Variants in MSI2 observed in about 807,000 individuals in gnomAD.
MSI2 encodes RNA-binding protein Musashi homolog 2.
A neutral mutation model predicts 45.6 loss-of-function variants in MSI2; 17 were observed. The ratio of observed to expected loss-of-function variants is 0.37; its 90% CI spans 0.26 to 0.56. The LOEUF (loss-of-function observed/expected upper bound fraction) is 0.56, where lower values mean the gene tolerates loss of function less well. Ranked by LOEUF, MSI2 falls within the 20% of genes least tolerant of loss-of-function variation. The probability of loss-of-function intolerance (pLI) is 0.77; values close to 1 mark genes in which losing one functional copy is unlikely to be tolerated. For synonymous variants in MSI2, 156 were observed against 158.2 expected, an observed-to-expected ratio of 0.99 and a Z score of 0.11; for missense variants, 293 against 444.2, an observed-to-expected ratio of 0.66 and a Z score of 3.06.
At chr17:57,400,052 T>G (rs2083961442) in intron 5 of MSI2, among the ~76,000 whole-genome samples, 1 of 152,250 alleles carries the variant, frequency 6.6e-6, no homozygotes, top group Non-Finnish European at 1.5e-5. Flanking sequence ...TAGAAACAGA[T>G]GACATTGTGT....
chr17:57,279,057 G>A (rs1262432461), intron 5 of MSI2: 2 of 152,172 alleles, frequency 1.3e-5, no homozygotes, highest in Non-Finnish European at 2.9e-5. Context: ...AAAAGCCTTA[G>A]CACTTGTTGT....
intron 6 of MSI2, among the ~76,000 whole-genome samples, chr17:57,514,980 C>T (rs897387081): frequency 1.3e-5 from 2 of 152,206 alleles, no homozygotes; most frequent in African/African-American, 4.8e-5. Context: ...CACCCCGACA[C>T]ACCCCATCCC....
In MSI2 at chr17:57,596,817, C is replaced by A. The variant is rs1349082427; in HGVS notation, c.455-51C>A. 2 of 1,380,552 alleles carry A rather than the reference C, an allele frequency of 1.4e-6. No homozygotes were observed. The highest frequency in any genetic ancestry group is 1.4e-5 in the African/African-American group (1 of 70,278). The allele number at this position is 1,380,552 out of a possible 1,614,324, so 85.5% of individuals were successfully genotyped here. On this transcript the variant is annotated intron_variant, in intron 7 of 13. Coordinates refer to ENST00000284073, the MANE Select transcript of MSI2 (RefSeq NM_138962.4). This position sits in a 1 kb window ranked among gnomAD's most constrained non-coding sequence, Gnocchi z 4.6. ...AGAGAAAAACCTGGGCCTGCCAGAA[C>A]TGAACTCACCCCGCCTCTCTTTGTT...
chr17:57,381,318 G>A lies in MSI2; in HGVS notation c.313-20061G>A, dbSNP rs374800902. Among the ~76,000 whole-genome samples, 9 of 152,142 alleles carry A rather than the reference G, an allele frequency of 5.9e-5. No individual in the cohort carries two copies. In the East Asian group the frequency reaches 9.7e-4, roughly 16 times the overall value. The stretch of plus-strand genomic sequence containing the variant: ...TGGATTCAAGCGATCTGCCTGTCTC[G>A]GCCTCCCAGAGTGCGGGGATTATAG... On this transcript the variant is annotated intron_variant, in intron 5 of 13. Transcript: ENST00000284073.
chr17:57,561,624 G>A (rs1264866960), intron 7 of MSI2, among the ~76,000 whole-genome samples: 1 of 152,174 alleles, frequency 6.6e-6, no homozygotes, highest in Non-Finnish European at 1.5e-5. Context: ...GTGCTAATGA[G>A]GAAACATGGG....
intron 5 of MSI2, among the ~76,000 whole-genome samples, chr17:57,386,071 A>G (rs1362515447): frequency 5.9e-5 from 9 of 152,096 alleles, no homozygotes; most frequent in Admixed American, 5.9e-4. Flanking sequence ...TCCCTATTTT[A>G]CTTGACCTTT....
intron 6 of MSI2, among the ~76,000 whole-genome samples, chr17:57,505,932 C>G (rs950835257): frequency 6.6e-6 from 1 of 152,208 alleles, no homozygotes; most frequent in African/African-American, 2.4e-5. Context: ...TGAGACTTCT[C>G]TAAATAAAGC....
chr17:57,269,083 T>G (rs1436982023), intron 5 of MSI2, among the ~76,000 whole-genome samples: 2 of 152,090 alleles, frequency 1.3e-5, no homozygotes. Context: ...TCTAAGCTTC[T>G]AGGAAGAGGT....
At chr17:57,613,923 T>C (rs1006342941) in intron 8 of MSI2, among the ~76,000 whole-genome samples, 3 of 152,246 alleles carry the variant, frequency 2.0e-5, no homozygotes, top group African/African-American at 7.2e-5. Flanking sequence ...AAAGGTGACT[T>C]ATATCTTAGG....
chr17:57,366,312 T>C (rs1156537190), intron 5 of MSI2, among the ~76,000 whole-genome samples: 1 of 152,196 alleles, frequency 6.6e-6, no homozygotes, highest in African/African-American at 2.4e-5. Flanking sequence ...GGTGGGTTTC[T>C]GTGCTGGACA....
Position 57,450,266 on chromosome 17 carries a change from A to AGAAAGAAAGAAAGAAG in MSI2, c.405+48810_405+48811insGGAAAGAAAGAAAGAA, listed in dbSNP as rs1555607221. Reference sequence around the variant, plus strand: ...GGTATTCCCCAGCTTAAAGAAAGAAAGAAAGAAAGAAAGAAAGAAAGAAAG... The same window carrying AGAAAGAAAGAAAGAAG: ...GGTATTCCCCAGCTTAAAGAAAGAAAGAAAGAAAGAAAGAAGGAAAGAAAGAAAGAAAGAAAGAAAG... On this transcript the variant is annotated intron_variant, in intron 6 of 13. Coordinates refer to ENST00000284073, the MANE Select transcript of MSI2 (RefSeq NM_138962.4). 377 of 91,590 alleles carry AGAAAGAAAGAAAGAAG rather than the reference A, an allele frequency of 4.1e-3. 3 individuals carry two copies. Among genetic ancestry groups the AGAAAGAAAGAAAGAAG allele is most frequent in the Middle Eastern group, 0.034 (6 of 176 alleles). The allele number at this position is 91,590 out of a possible 1,614,324, so 5.7% of individuals were successfully genotyped here.
intron 7 of MSI2, among the ~76,000 whole-genome samples, chr17:57,541,947 T>C (rs1044358608): frequency 6.6e-6 from 1 of 152,124 alleles, no homozygotes; most frequent in African/African-American, 2.4e-5. Context: ...AGCTGGCGCC[T>C]CTGCACCAGA....
chr17:57,698,159 C>G, the MSI2 span, among the ~76,000 whole-genome samples: 1 of 152,214 alleles, frequency 6.6e-6, no homozygotes, highest in Admixed American at 6.5e-5. Context: ...AATCGACAGG[C>G]ACTGGACCAG....
At chr17:57,327,267 C>T (rs1295920968) in intron 5 of MSI2, among the ~76,000 whole-genome samples, 1 of 152,122 alleles carries the variant, frequency 6.6e-6, no homozygotes, top group Non-Finnish European at 1.5e-5. Context: ...GAGGGACACC[C>T]CATCTCTAAA....
chr17:57,345,319 G>T (rs1598150284), intron 5 of MSI2, among the ~76,000 whole-genome samples: 1 of 151,980 alleles, frequency 6.6e-6, no homozygotes, highest in Non-Finnish European at 1.5e-5. Flanking sequence ...ATTCATGTGT[G>T]TTTAAAAGTT....
At chr17:57,606,925 A>G (rs1906660794) in intron 8 of MSI2, among the ~76,000 whole-genome samples, 2 of 152,068 alleles carry the variant, frequency 1.3e-5, no homozygotes, top group African/African-American at 2.4e-5. Context: ...CCAGAGACCC[A>G]GAGGAGGGAG....
At chr17:57,669,692 GCTATGA>G (rs1339517227) in intron 11 of MSI2, among the ~76,000 whole-genome samples, 1 of 152,158 alleles carries the variant, frequency 6.6e-6, no homozygotes, top group Non-Finnish European at 1.5e-5. Context: ...TATCACACAG[GCTATGA>G]CCTCTCCTGC....
chr17:57,257,969 G>A (rs1357199759), intron 3 of MSI2, among the ~76,000 whole-genome samples: 1 of 152,090 alleles, frequency 6.6e-6, no homozygotes, highest in South Asian at 2.1e-4. Context: ...ATAAAACAAA[G>A]CGTTAAGAAA....
At chr17:57,547,083 G>C (rs1201384419) in intron 7 of MSI2, among the ~76,000 whole-genome samples, 2 of 152,234 alleles carry the variant, frequency 1.3e-5, no homozygotes, top group African/African-American at 2.4e-5. Flanking sequence ...TTGGACTTGG[G>C]AGGCAGAGAA....
Sources: gnomAD v4.1 joint callset for allele counts (sites outside exome capture counted in the v4.1 genomes callset) on GRCh38, gnomAD v4.1.1 for gene constraint, Gnocchi (gnomAD v3.1) non-coding constraint, MANE v1.5 for transcripts, NCBI Gene and HGNC (gene_info 2026-07-23, HGNC 2026-07-21) for gene names.